ZMYM2: variants seen among roughly 807,000 people sequenced by gnomAD.
ZMYM2 encodes zinc finger MYM-type containing 2, also known as zinc finger MYM-type protein 2.
Under a neutral mutation model 162.8 loss-of-function variants are expected in ZMYM2, and 56 were observed. The ratio of observed to expected loss-of-function variants is 0.34; its 90% CI spans 0.28 to 0.43. ZMYM2 has a LOEUF of 0.43. Among genes scored for constraint, ZMYM2 ranks in the 20% least tolerant of loss-of-function variants. The pLI, the probability that ZMYM2 is intolerant of heterozygous loss-of-function variation, is 1.00. For missense variants in ZMYM2, 1,275 were observed against 1,621.8 expected, an observed-to-expected ratio of 0.79 and a Z score of 3.67; for synonymous variants, 510 against 541.6, an observed-to-expected ratio of 0.94 and a Z score of 0.81.
At position 20,034,328 on chromosome 13, in the gene ZMYM2, C is replaced by T. The variant is rs768490742; in HGVS notation, c.2043C>T (p.Cys681=). The change falls in exon 11 of 25, where the codon TGC becomes TGT. Residue 681 remains cysteine (C), a synonymous_variant. Coordinates refer to ENST00000610343, the MANE Select transcript of ZMYM2 (RefSeq NM_197968.4). ...AGTTGCATTGCATAGTTACATATTG[C>T]GAATACTGTCAAGAGGAGAAGACTC... ...YKKLHCIVTY[C]EYCQEEKTLH... is the part of the protein sequence containing the mutation. 34 of 1,610,466 alleles carry T rather than the reference C, an allele frequency of 2.1e-5. 1 individual carries two copies. Among genetic ancestry groups the T allele is most frequent in the Admixed American group, 5.0e-5 (3 of 59,494 alleles).
the ZMYM2 span, among the ~76,000 whole-genome samples, chr13:19,950,111 T>C: frequency 6.6e-6 from 1 of 151,360 alleles, no homozygotes; most frequent in African/African-American, 2.4e-5. Flanking sequence ...ACCCCTTCTC[T>C]ACAAAATAAA....
chr13:19,878,356 A>G, the ZMYM2 span, among the ~76,000 whole-genome samples: 1 of 151,806 alleles, frequency 6.6e-6, no homozygotes, highest in African/African-American at 2.4e-5. Flanking sequence ...CCTGGCCGGT[A>G]GTAGCTTTTT....
At chr13:19,894,720 A>C in the ZMYM2 span, among the ~76,000 whole-genome samples, 1 of 151,992 alleles carries the variant, frequency 6.6e-6, no homozygotes, top group Non-Finnish European at 1.5e-5. Context: ...GGTATTCAAA[A>C]ATATGGTTTC....
intron 9 of ZMYM2, among the ~76,000 whole-genome samples, chr13:20,028,904 C>A (rs1678794631): frequency 6.6e-6 from 1 of 151,534 alleles, no homozygotes; most frequent in African/African-American, 2.4e-5. Flanking sequence ...TTGAGGAATA[C>A]ATCCAGATAG....
chr13:19,954,126 A>ATTTT (rs781288600), upstream of ZMYM2, among the ~76,000 whole-genome samples: 26 of 64,910 alleles, frequency 4.0e-4, 6 homozygotes, highest in East Asian at 3.1e-3. Flanking sequence ...GCTATGTTTA[A>ATTTT]TTTTTTTTTT....
chr13:19,977,747 C>A (rs1956918402), intron 2 of ZMYM2, among the ~76,000 whole-genome samples: 1 of 152,004 alleles, frequency 6.6e-6, no homozygotes, highest in African/African-American at 2.4e-5. Context: ...ACCTCAGCCT[C>A]CCAAAGTGCT....
At chr13:19,927,441 C>T in the ZMYM2 span, among the ~76,000 whole-genome samples, 1 of 152,160 alleles carries the variant, frequency 6.6e-6, no homozygotes, top group Non-Finnish European at 1.5e-5. Flanking sequence ...TCTATGTGGT[C>T]TTCTGAGACT....
rs764404253 is a variant in ZMYM2 at position 20,011,573 on chromosome 13, G to GTT, written c.1512+4990_1512+4991dup. 9.8e-3 allele frequency among the ~76,000 whole-genome samples: 1,412 copies of GTT among 144,104 alleles called. 54 individuals carry two copies. Among genetic ancestry groups the GTT allele is most frequent in the African/African-American group, 0.035 (1,324 of 37,846 alleles). 94.5% of individuals were successfully genotyped at this position (144,104 alleles called of 152,430 possible). A position where few individuals can be genotyped will look rare whatever the true frequency, so the allele number is the denominator to read the frequency against. Reference sequence around the variant, plus strand: ...GATGTGCAGAAGTTTTTATTTTTTTGTTTTATTTTTTTTTTTTTTGAGGGG... The same window carrying GTT: ...GATGTGCAGAAGTTTTTATTTTTTTGTTTTTTATTTTTTTTTTTTTTGAGGGG... On this transcript the variant is annotated intron_variant, in intron 6 of 24. Coordinates refer to ENST00000610343, the MANE Select transcript of ZMYM2 (RefSeq NM_197968.4).
rs1958384486 is a variant in ZMYM2 at position 20,088,292 on chromosome 13, C to G, written c.*2278C>G. 1 of 207,786 alleles carries G rather than the reference C, an allele frequency of 4.8e-6. No homozygotes were observed. The highest frequency in any genetic ancestry group is 2.3e-5 in the African/African-American group (1 of 43,956). 12.9% of individuals were successfully genotyped at this position (207,786 alleles called of 1,614,324 possible). ...TCACCTAGAACACATTTCATTGATT[C>G]TTGGATCTTAGTTTATGTGGTCATA... On this transcript the variant is annotated 3_prime_UTR_variant, in exon 25 of 25. Coordinates refer to ENST00000610343, the MANE Select transcript of ZMYM2 (RefSeq NM_197968.4).
chr13:19,894,503 G>A, the ZMYM2 span, among the ~76,000 whole-genome samples: 2 of 151,728 alleles, frequency 1.3e-5, no homozygotes, highest in South Asian at 2.1e-4. Context: ...CTGCCACCAC[G>A]CCCAGCTAAT....
chr13:19,928,820 G>T, the ZMYM2 span, among the ~76,000 whole-genome samples: 1 of 150,764 alleles, frequency 6.6e-6, no homozygotes, highest in Admixed American at 6.6e-5. Flanking sequence ...ACAAAAACCC[G>T]TCTTAGTAGA....
chr13:20,071,658 A>G (rs259782), intron 21 of ZMYM2, among the ~76,000 whole-genome samples: 15,411 of 152,216 alleles, frequency 0.1, 1,284 homozygotes, highest in African/African-American at 0.22. Context: ...AGAGGATTGT[A>G]GGGAGAGTAG....
intron 6 of ZMYM2, among the ~76,000 whole-genome samples, chr13:20,014,164 C>T (rs1566297733): frequency 1.3e-5 from 2 of 152,216 alleles, no homozygotes; most frequent in South Asian, 2.1e-4. Flanking sequence ...ACCCCCGCCT[C>T]CCGGGTTCAA....
chr13:19,919,000 T>C, the ZMYM2 span, among the ~76,000 whole-genome samples: 2 of 152,148 alleles, frequency 1.3e-5, no homozygotes, highest in African/African-American at 4.8e-5. Context: ...GTGTTCCCTC[T>C]TTATAGTCAC....
chr13:19,992,677 ATTT>A (rs547964381), intron 2 of ZMYM2, among the ~76,000 whole-genome samples: 3 of 146,516 alleles, frequency 2.0e-5, no homozygotes, highest in African/African-American at 5.0e-5. Context: ...TCAGATTTTG[ATTT>A]TTTTTTTTTC....
chr13:20,031,767 C>G (rs1220867613), intron 10 of ZMYM2, among the ~76,000 whole-genome samples: 3 of 151,466 alleles, frequency 2.0e-5, no homozygotes, highest in Non-Finnish European at 4.4e-5. Flanking sequence ...CCTGTATTAT[C>G]TGAGAACGAT....
rs148449324 is a variant in ZMYM2, at chr13:20,079,047, G to A, written c.3454-2969G>A. Among the ~76,000 whole-genome samples, 1,178 of 150,938 alleles carry A rather than the reference G, an allele frequency of 7.8e-3. 14 individuals carry two copies. The highest frequency in any genetic ancestry group is 0.026 in the African/African-American group (1,062 of 41,232). On this transcript the variant is annotated intron_variant, in intron 21 of 24. Transcript: ENST00000610343. Reference sequence around the variant, plus strand: ...AAAAAGATACTTTTATTGGCTGGGCGCGGTGTCTCATGCCTGTAATCCCAG... The same window carrying A: ...AAAAAGATACTTTTATTGGCTGGGCACGGTGTCTCATGCCTGTAATCCCAG...
At chr13:20,002,793 A>T in intron 3 of ZMYM2, 57 bp from the exon 4 acceptor site, 1 of 1,552,780 alleles carries the variant, frequency 6.4e-7, no homozygotes, top group Non-Finnish European at 8.7e-7. Flanking sequence ...TATAAATTTT[A>T]ATATGTATAA....
the ZMYM2 span, among the ~76,000 whole-genome samples, chr13:19,934,578 CATT>C: frequency 6.6e-6 from 1 of 152,082 alleles, no homozygotes. Flanking sequence ...AAATTTTTAT[CATT>C]ATCTATAATT....
Sources: gnomAD v4.1 joint callset for allele counts (sites outside exome capture counted in the v4.1 genomes callset) on GRCh38, gnomAD v4.1.1 for gene constraint, MANE v1.5 for transcripts, NCBI Gene and HGNC (gene_info 2026-07-23, HGNC 2026-07-21) for gene names.